Variants in HEMK2 observed in about 807,000 individuals in gnomAD.
The protein encoded by HEMK2 is methyltransferase HEMK2.
At chr21:28,635,380 G>A in the HEMK2 span, among the ~76,000 whole-genome samples, 1 of 152,050 alleles carries the variant, frequency 6.6e-6, no homozygotes, top group Non-Finnish European at 1.5e-5. Context: ...GGGATTACAG[G>A]TATCCTCATC....
At chr21:28,806,822 A>AGGAT in the HEMK2 span, among the ~76,000 whole-genome samples, 1 of 152,148 alleles carries the variant, frequency 6.6e-6, no homozygotes, top group African/African-American at 2.4e-5. Context: ...AGGACAAGGA[A>AGGAT]GGATGCTACC....
chr21:28,861,959 G>A, the HEMK2 span, among the ~76,000 whole-genome samples: 1 of 152,256 alleles, frequency 6.6e-6, no homozygotes, highest in South Asian at 2.1e-4. Context: ...GCTGCCACCA[G>A]GAGACACAAC....
the HEMK2 span, among the ~76,000 whole-genome samples, chr21:28,871,771 C>A: frequency 6.6e-6 from 1 of 152,154 alleles, no homozygotes; most frequent in African/African-American, 2.4e-5. Context: ...CCCTCTGAAG[C>A]CTTGAAGGAA....
the HEMK2 span, among the ~76,000 whole-genome samples, chr21:28,669,879 T>C: frequency 6.6e-6 from 1 of 152,196 alleles, no homozygotes; most frequent in Admixed American, 6.5e-5. Context: ...GAGTGGGAAC[T>C]CATGCTCCCT....
At chr21:28,846,035 A>G in the HEMK2 span, among the ~76,000 whole-genome samples, 2 of 152,154 alleles carry the variant, frequency 1.3e-5, no homozygotes, top group South Asian at 4.1e-4. Context: ...CTTATAAGTG[A>G]GAATATGTGG....
the HEMK2 span, among the ~76,000 whole-genome samples, chr21:28,663,722 G>A: frequency 3.3e-5 from 5 of 152,192 alleles, no homozygotes; most frequent in South Asian, 2.1e-4. Flanking sequence ...GACAAAGTCC[G>A]TCTAACCTAG....
At chr21:28,789,419 A>T in the HEMK2 span, among the ~76,000 whole-genome samples, 3 of 152,178 alleles carry the variant, frequency 2.0e-5, no homozygotes, top group African/African-American at 7.2e-5. Context: ...GAAGAAGACA[A>T]GATGCTTGGC....
At chr21:28,715,718 G>C in the HEMK2 span, among the ~76,000 whole-genome samples, 1 of 152,180 alleles carries the variant, frequency 6.6e-6, no homozygotes, top group Non-Finnish European at 1.5e-5. Context: ...CTTTGCCAAG[G>C]CTTATGTCCA....
At chr21:28,718,600 C>T in the HEMK2 span, among the ~76,000 whole-genome samples, 1 of 136,612 alleles carries the variant, frequency 7.3e-6, no homozygotes, top group Non-Finnish European at 1.5e-5. Flanking sequence ...CTCAGTGCTC[C>T]AACATAATCT....
the HEMK2 span, among the ~76,000 whole-genome samples, chr21:28,833,611 T>C: frequency 3.9e-4 from 60 of 152,326 alleles, no homozygotes; most frequent in African/African-American, 1.4e-3. Flanking sequence ...CATTTTGAAA[T>C]TTCTAACTTT....
At chr21:28,697,242 A>G in the HEMK2 span, among the ~76,000 whole-genome samples, 1 of 152,160 alleles carries the variant, frequency 6.6e-6, no homozygotes, top group African/African-American at 2.4e-5. Context: ...CTTCCTGTTG[A>G]ATGCTTTGCT....
the HEMK2 span, among the ~76,000 whole-genome samples, chr21:28,640,520 G>C: frequency 1.3e-5 from 2 of 152,202 alleles, no homozygotes; most frequent in Non-Finnish European, 2.9e-5. Flanking sequence ...TGGTACTACA[G>C]CGGAATCAGG....
At chr21:28,788,301 CACAT>C in the HEMK2 span, among the ~76,000 whole-genome samples, 3 of 133,566 alleles carry the variant, frequency 2.2e-5, no homozygotes, top group African/African-American at 3.4e-5. Context: ...CACACACACA[CACAT>C]ATATATGTGT....
At chr21:28,885,335 T>C in the HEMK2 span, 5 of 1,576,242 alleles carry the variant, frequency 3.2e-6, no homozygotes, top group South Asian at 1.1e-5. Flanking sequence ...AGCGAAGTTC[T>C]CCCCTGCCAT....
the HEMK2 span, among the ~76,000 whole-genome samples, chr21:28,622,138 A>G: frequency 7.2e-5 from 11 of 152,178 alleles, no homozygotes; most frequent in African/African-American, 2.7e-4. Flanking sequence ...AAGTCTCAGG[A>G]TACAAAATCA....
the HEMK2 span, among the ~76,000 whole-genome samples, chr21:28,844,765 CTTTCTT>C: frequency 6.9e-6 from 1 of 143,898 alleles, no homozygotes; most frequent in Non-Finnish European, 1.5e-5. Flanking sequence ...TAAAATTACA[CTTTCTT>C]TTACTTTAAT....
the HEMK2 span, among the ~76,000 whole-genome samples, chr21:28,676,483 A>C: frequency 2.0e-3 from 304 of 151,766 alleles, 1 homozygote; most frequent in African/African-American, 7.1e-3. Flanking sequence ...CACAAAAGAC[A>C]CAATCCCAAA....
At chr21:28,716,002 A>G in the HEMK2 span, among the ~76,000 whole-genome samples, 1 of 152,084 alleles carries the variant, frequency 6.6e-6, no homozygotes, top group Non-Finnish European at 1.5e-5. Context: ...TGATCTATGT[A>G]TCTGTTTTTG....
chr21:28,876,383 T>C, the HEMK2 span: 14 of 1,597,992 alleles, frequency 8.8e-6, no homozygotes, highest in African/African-American at 1.3e-5. Flanking sequence ...ACACACTGTA[T>C]GCTAAGACTT....
Sources: gnomAD v4.1 joint callset for allele counts (sites outside exome capture counted in the v4.1 genomes callset) on GRCh38, gnomAD v4.1.1 for gene constraint, MANE v1.5 for transcripts, NCBI Gene and HGNC (gene_info 2026-07-23, HGNC 2026-07-21) for gene names.